Variants in EIF4G3 observed in about 807,000 individuals in gnomAD.
EIF4G3 encodes the protein eukaryotic translation initiation factor 4 gamma 3, also known as eIF-4-gamma 3.
Under a neutral mutation model 186.4 loss-of-function variants are expected in EIF4G3, and 34 were observed. The ratio of observed to expected loss-of-function variants is 0.18; its 90% CI spans 0.14 to 0.24. The LOEUF (loss-of-function observed/expected upper bound fraction) is 0.24. Among genes scored for constraint, EIF4G3 ranks in the 10% least tolerant of loss-of-function variants. The pLI is 1.00. For missense variants in EIF4G3, 1,536 were observed against 1,948.5 expected (o/e 0.79, Z 3.99); for synonymous variants, 673 against 679.5 (o/e 0.99, Z 0.15).
At chr1:21,135,070 C>T (rs2097215198) in intron 2 of EIF4G3, among the ~76,000 whole-genome samples, 1 of 152,202 alleles carries the variant, frequency 6.6e-6, no homozygotes, top group African/African-American at 2.4e-5. Flanking sequence ...CGTCCCACCA[C>T]ATACACTAAA....
chr1:21,055,885 T>C (rs1352637325), intron 3 of EIF4G3, among the ~76,000 whole-genome samples: 1 of 152,170 alleles, frequency 6.6e-6, no homozygotes, highest in Admixed American at 6.5e-5. Flanking sequence ...GTAAGCTATG[T>C]TTCTTACAGA....
At chr1:21,085,840 C>T (rs1015636940) in intron 3 of EIF4G3, among the ~76,000 whole-genome samples, 2 of 152,060 alleles carry the variant, frequency 1.3e-5, no homozygotes, top group Non-Finnish European at 2.9e-5. Flanking sequence ...ACTACAGGTT[C>T]ACGCCACCAC....
chr1:21,052,596 C>G (rs924708057), intron 3 of EIF4G3, among the ~76,000 whole-genome samples: 1 of 152,138 alleles, frequency 6.6e-6, no homozygotes, highest in African/African-American at 2.4e-5. Context: ...CGGTCTCCCT[C>G]TCCCTCTCTT....
At chr1:21,143,327 A>C (rs1366238459) in intron 2 of EIF4G3, among the ~76,000 whole-genome samples, 1 of 151,962 alleles carries the variant, frequency 6.6e-6, no homozygotes, top group South Asian at 2.1e-4. Context: ...AAAGGAGAGC[A>C]AAGGAAAGGA....
chr1:21,119,893 G>A (rs1277408240), intron 2 of EIF4G3, among the ~76,000 whole-genome samples: 5 of 151,702 alleles, frequency 3.3e-5, no homozygotes, highest in Admixed American at 6.6e-5. Context: ...TCGATTTAAC[G>A]ACTCTTAAAA....
intron 2 of EIF4G3, among the ~76,000 whole-genome samples, chr1:21,174,278 C>A (rs2098054667): frequency 6.6e-6 from 1 of 152,156 alleles, no homozygotes; most frequent in East Asian, 1.9e-4. Flanking sequence ...GCTTTTGTAA[C>A]TACTTGAATG....
chr1:21,015,382 C>T (rs1055294806), intron 4 of EIF4G3, among the ~76,000 whole-genome samples: 7 of 151,898 alleles, frequency 4.6e-5, no homozygotes, highest in African/African-American at 1.7e-4. Flanking sequence ...AAACTTCCCA[C>T]ATTTGAAGAC....
intron 2 of EIF4G3, among the ~76,000 whole-genome samples, chr1:21,089,852 TA>T (rs1260794905): frequency 1.3e-5 from 2 of 152,204 alleles, no homozygotes; most frequent in East Asian, 3.9e-4. Flanking sequence ...CTCTGTACAC[TA>T]CAACATACTT....
intron 33 of EIF4G3, among the ~76,000 whole-genome samples, chr1:20,820,227 C>G (rs554069228): frequency 6.6e-6 from 1 of 152,154 alleles, no homozygotes; most frequent in Non-Finnish European, 1.5e-5. Flanking sequence ...GCCTGACCTG[C>G]GGCTGCAGAC....
chr1:20,918,604 A>T (rs1046544486), intron 14 of EIF4G3, among the ~76,000 whole-genome samples: 1 of 151,606 alleles, frequency 6.6e-6, no homozygotes, highest in Non-Finnish European at 1.5e-5. Flanking sequence ...GCATGTAGTC[A>T]TTATGCAAAT....
chr1:21,070,256 C>T lies in EIF4G3; in HGVS notation c.-196+18882G>A, dbSNP rs141927267. Among the ~76,000 whole-genome samples, 299 of 152,162 alleles carry T rather than the reference C, an allele frequency of 2.0e-3. 4 individuals carry two copies. The highest frequency in any genetic ancestry group is 0.01 in the East Asian group (52 of 5,184). On this transcript the variant is annotated intron_variant, in intron 3 of 36. Transcript: ENST00000602326. ...GTGGAAAAAAAAAGTTTGATGCTTA[C>T]TTTCTCTAATTGCTACAATAATGTA... is the stretch of plus-strand genomic sequence containing the variant.
intron 24 of EIF4G3, among the ~76,000 whole-genome samples, chr1:20,858,508 T>C (rs1299259162): frequency 6.6e-6 from 1 of 152,240 alleles, no homozygotes; most frequent in Non-Finnish European, 1.5e-5. Context: ...TGTTTAAAAC[T>C]GCACCCTACT....
At chr1:20,974,132 C>T (rs974117174) in intron 10 of EIF4G3, among the ~76,000 whole-genome samples, 4 of 152,134 alleles carry the variant, frequency 2.6e-5, no homozygotes, top group Non-Finnish European at 5.9e-5. Flanking sequence ...GGTCAAGTTT[C>T]GGGTGCTTAC....
chr1:20,985,749 C>T (rs2079327231), intron 7 of EIF4G3, among the ~76,000 whole-genome samples: 1 of 152,154 alleles, frequency 6.6e-6, no homozygotes. Flanking sequence ...GAGTCAAACT[C>T]TCCTGAATGG....
chr1:21,161,546 C>G (rs1286072911), intron 2 of EIF4G3: 2 of 152,290 alleles, frequency 1.3e-5, no homozygotes, highest in African/African-American at 4.8e-5. Context: ...CCACTGAAAT[C>G]GTAACCAAAG....
chr1:21,029,551 C>T (rs2092543346), intron 4 of EIF4G3, among the ~76,000 whole-genome samples: 1 of 151,948 alleles, frequency 6.6e-6, no homozygotes, highest in African/African-American at 2.4e-5. Flanking sequence ...AGAAGGATCA[C>T]TTGAAGCCAG....
At chr1:20,949,548 T>C (rs2096114942) in intron 13 of EIF4G3, among the ~76,000 whole-genome samples, 2 of 152,308 alleles carry the variant, frequency 1.3e-5, no homozygotes, top group South Asian at 2.1e-4. Context: ...GGAGCCGGGA[T>C]TGGAACTTGG....
At chr1:20,922,128 A>G (rs968969333) in intron 14 of EIF4G3, among the ~76,000 whole-genome samples, 5 of 152,278 alleles carry the variant, frequency 3.3e-5, no homozygotes, top group Middle Eastern at 3.4e-3. Flanking sequence ...TCCTATTTCC[A>G]TATCGAACAT....
At chr1:20,976,825 C>A (rs763577574) in intron 10 of EIF4G3, among the ~76,000 whole-genome samples, 5 of 152,106 alleles carry the variant, frequency 3.3e-5, no homozygotes, top group African/African-American at 1.2e-4. Flanking sequence ...AATGCCTGAG[C>A]TCAGGAGTTC....
Sources: gnomAD v4.1 joint callset for allele counts (sites outside exome capture counted in the v4.1 genomes callset) on GRCh38, gnomAD v4.1.1 for gene constraint, MANE v1.5 for transcripts, NCBI Gene and HGNC (gene_info 2026-07-23, HGNC 2026-07-21) for gene names.